The following RNF121 variants were observed in gnomAD, a reference collection of about 807,000 sequenced individuals.
RNF121 encodes E3 ubiquitin ligase RNF121.
Under a neutral mutation model 46.5 loss-of-function variants are expected in RNF121, and 21 were observed. That is an observed-to-expected ratio of 0.45 (90% CI 0.32 to 0.65). The LOEUF (loss-of-function observed/expected upper bound fraction) is 0.65. RNF121 is among the 30% of genes least tolerant of loss of function. RNF121 has a pLI of 0.04. For synonymous variants in RNF121, 139 were observed against 144.7 expected, an observed-to-expected ratio of 0.96 and a Z score of 0.28; for missense variants, 346 against 416.0, an observed-to-expected ratio of 0.83 and a Z score of 1.46.
chr11:71,982,366 T>C (rs1251304716), intron 3 of RNF121, among the ~76,000 whole-genome samples: 1 of 147,100 alleles, frequency 6.8e-6, no homozygotes, highest in Non-Finnish European at 1.5e-5. Flanking sequence ...GAATGTTGGA[T>C]CCTATCCTTT....
intron 3 of RNF121, among the ~76,000 whole-genome samples, chr11:71,969,252 G>A (rs1479503495): frequency 2.6e-5 from 4 of 152,074 alleles, no homozygotes; most frequent in South Asian, 2.1e-4. Context: ...CAATACTCAC[G>A]TAAAGGTGAA....
chr11:71,937,606 A>T lies in RNF121; in HGVS notation c.63+8482A>T, dbSNP rs114532907. ...GAACTAATCGTTCCATGGTCAGCCT[A>T]TTCCTTCTTTGAATGCCTCTATTGG... On this transcript the variant is annotated intron_variant, in intron 1 of 8. Transcript: ENST00000361756. Among the ~76,000 whole-genome samples the T allele has an allele frequency of 4.6e-3, 702 of 152,354 alleles. 3 individuals carry two copies. Among genetic ancestry groups the T allele is most frequent in the African/African-American group, 0.016 (672 of 41,582 alleles).
Position 71,996,772 on chromosome 11 carries a change from CGT to C in RNF121, c.*458_*459del. The C allele has an allele frequency of 6.0e-6, 1 of 166,116 alleles. No homozygotes were observed. The highest frequency in any genetic ancestry group is 1.3e-4 in the South Asian group (1 of 7,500). 10.3% of individuals were successfully genotyped at this position (166,116 alleles called of 1,614,324 possible). A position where few individuals can be genotyped will look rare whatever the true frequency, so the allele number is the denominator to read the frequency against. On this transcript the variant is annotated 3_prime_UTR_variant, in exon 9 of 9. Transcript: ENST00000361756. The stretch of plus-strand genomic sequence containing the variant: ...GGTGCACTTAGTATAGAAGAGCTAA[CGT>C]ACTCAGGCTTGTGCCACGGGTGAGC...
chr11:71,995,864 A>G (rs540197714), intron 8 of RNF121, among the ~76,000 whole-genome samples: 1 of 152,262 alleles, frequency 6.6e-6, no homozygotes, highest in East Asian at 1.9e-4. Flanking sequence ...CCCTCCCTGC[A>G]TGTTAGTCAT....
intron 2 of RNF121, among the ~76,000 whole-genome samples, chr11:71,957,519 G>A (rs1172402676): frequency 6.6e-6 from 1 of 152,096 alleles, no homozygotes; most frequent in Non-Finnish European, 1.5e-5. Flanking sequence ...TGATTTTTGA[G>A]CAAGTTACTT....
At chr11:71,981,054 C>CTT in intron 3 of RNF121, among the ~76,000 whole-genome samples, 1 of 145,230 alleles carries the variant, frequency 6.9e-6, no homozygotes, top group East Asian at 2.0e-4. Flanking sequence ...TAAATACTTT[C>CTT]TTTTTTTTTT....
At chr11:71,934,189 C>A (rs2134142703) in intron 1 of RNF121, among the ~76,000 whole-genome samples, 1 of 152,292 alleles carries the variant, frequency 6.6e-6, no homozygotes, top group South Asian at 2.1e-4. Context: ...AAGTTTGTTC[C>A]CTCATTTCTC....
chr11:71,961,123 T>C (rs1168823445), intron 3 of RNF121, among the ~76,000 whole-genome samples: 1 of 152,074 alleles, frequency 6.6e-6, no homozygotes, highest in Non-Finnish European at 1.5e-5. Context: ...AAAAGATAGG[T>C]TTTCCCTTCG....
At chr11:71,933,597 C>G (rs1394428179) in intron 1 of RNF121, among the ~76,000 whole-genome samples, 2 of 152,120 alleles carry the variant, frequency 1.3e-5, no homozygotes, top group Non-Finnish European at 2.9e-5. Context: ...CCTTTGAAAA[C>G]CAAGGATTTT....
chr11:71,996,273 T>A lies in RNF121; in HGVS notation c.942T>A (p.Ile314=). 6.2e-7 allele frequency: 1 copy of A among 1,614,186 alleles called. No homozygotes were observed. The highest frequency in any genetic ancestry group is 8.5e-7 in the Non-Finnish European group (1 of 1,180,010). Residue 314 remains isoleucine (I), a synonymous_variant, in exon 9 of 9, where the codon ATT becomes ATA. Coordinates refer to ENST00000361756, the MANE Select transcript of RNF121 (RefSeq NM_018320.5). The part of the protein sequence containing the change: ...RYLVAWQPVI[I]GVVQGINYIL... ...TGGTAGCCTGGCAGCCTGTCATCATTGGTGTAGTCCAAGGCATCAACTACA... is the reference window on the plus strand; with the variant it reads ...TGGTAGCCTGGCAGCCTGTCATCATAGGTGTAGTCCAAGGCATCAACTACA...
chr11:71,971,205 C>T (rs1954412946), intron 3 of RNF121, among the ~76,000 whole-genome samples: 1 of 151,878 alleles, frequency 6.6e-6, no homozygotes, highest in Non-Finnish European at 1.5e-5. Context: ...GCAACATGGT[C>T]AAACCCTATC....
At chr11:71,959,187 TA>T (rs1954067613) in intron 2 of RNF121, among the ~76,000 whole-genome samples, 2 of 152,218 alleles carry the variant, frequency 1.3e-5, no homozygotes, top group Admixed American at 6.5e-5. Context: ...CCACCCAGGG[TA>T]AAGTTTTATG....
intron 8 of RNF121, among the ~76,000 whole-genome samples, 186 bp downstream of exon 8, chr11:71,995,737 T>A (rs1249852323): frequency 6.6e-6 from 1 of 152,172 alleles, no homozygotes; most frequent in Non-Finnish European, 1.5e-5. Flanking sequence ...TATTCTAGGA[T>A]TATTGCCTAT....
At position 71,971,260 on chromosome 11, in the gene RNF121, T is replaced by A. The variant is rs556244175; in HGVS notation, c.243+10369T>A. Among the ~76,000 whole-genome samples the A allele has an allele frequency of 2.0e-5, 3 of 152,244 alleles. No individual in the cohort carries two copies. The East Asian group carries it at 5.8e-4, about 29-fold the overall frequency. On this transcript the variant is annotated intron_variant, in intron 3 of 8. Transcript: ENST00000361756. Reference sequence around the variant, plus strand: ...TTAGCCAGGTGTGATGGTGCATGCCTGTAGTCCCAGCTACTCAGGAGGCTG... The same window carrying A: ...TTAGCCAGGTGTGATGGTGCATGCCAGTAGTCCCAGCTACTCAGGAGGCTG...
intron 1 of RNF121, among the ~76,000 whole-genome samples, chr11:71,936,003 A>G (rs569519751): frequency 2.6e-5 from 4 of 151,390 alleles, no homozygotes; most frequent in East Asian, 1.9e-4. Context: ...GTGTGCCACC[A>G]CGCCCGGCTA....
At chr11:71,987,790 A>G (rs1954797721) in intron 5 of RNF121, among the ~76,000 whole-genome samples, 1 of 152,252 alleles carries the variant, frequency 6.6e-6, no homozygotes, top group South Asian at 2.1e-4. Context: ...TTGACTTAGA[A>G]GAATACAAAA....
intron 2 of RNF121, among the ~76,000 whole-genome samples, chr11:71,959,180 C>A (rs1181497226): frequency 1.3e-5 from 2 of 152,178 alleles, no homozygotes; most frequent in Admixed American, 6.5e-5. Flanking sequence ...GATTCTCCCA[C>A]CCAGGGTAAA....
At chr11:71,934,281 T>A (rs772427460) in intron 1 of RNF121, among the ~76,000 whole-genome samples, 1 of 152,248 alleles carries the variant, frequency 6.6e-6, no homozygotes, top group African/African-American at 2.4e-5. Context: ...TAAAGTGTGA[T>A]AATTGTCCTC....
chr11:71,970,653 C>T (rs979528726), intron 3 of RNF121, among the ~76,000 whole-genome samples: 7 of 152,020 alleles, frequency 4.6e-5, no homozygotes, highest in African/African-American at 1.2e-4. Flanking sequence ...CAGAGTGAGA[C>T]TGTCATTTAA....
Sources: allele counts gnomAD v4.1 joint callset (sites outside exome capture counted in the v4.1 genomes callset), GRCh38; gene constraint gnomAD v4.1.1; transcripts MANE v1.5; gene names NCBI Gene and HGNC (gene_info 2026-07-23, HGNC 2026-07-21).